The following PIEZO2 variants were observed in gnomAD, a reference collection of about 807,000 sequenced individuals.
The protein encoded by PIEZO2 is piezo type mechanosensitive ion channel component 2, also known as piezo-type mechanosensitive ion channel component 2.
Under a neutral mutation model 337.3 loss-of-function variants are expected in PIEZO2, and 172 were observed. The ratio of observed to expected loss-of-function variants is 0.51; its 90% CI spans 0.45 to 0.58. The LOEUF is 0.58. Among genes scored for constraint, PIEZO2 ranks in the 20% least tolerant of loss-of-function variants. PIEZO2 has a pLI of 0.00. For synonymous variants in PIEZO2, 1,251 were observed against 1,228.5 expected, an observed-to-expected ratio of 1.02 and a Z score of -0.38; for missense variants, 3,028 against 3,391.3, an observed-to-expected ratio of 0.89 and a Z score of 2.66.
intron 3 of PIEZO2, among the ~76,000 whole-genome samples, chr18:10,919,784 G>C (rs2145127857): frequency 6.6e-6 from 1 of 152,228 alleles, no homozygotes; most frequent in East Asian, 1.9e-4. Flanking sequence ...GATTGGTTCT[G>C]ATTGGCAGTC....
At position 10,695,762 on chromosome 18, in the gene PIEZO2, G is replaced by A. The variant is rs1252608207; in HGVS notation, c.7190+312C>T. On this transcript the variant is annotated intron_variant, in intron 47 of 55. Transcript: ENST00000674853. The stretch of plus-strand genomic sequence containing the variant: ...CCACTTTACCTCCACCTCTGCTAAG[G>A]TGTAGAGAGAAACACAGCACAAATA... Among the ~76,000 whole-genome samples the A allele has an allele frequency of 9.2e-5, 14 of 152,210 alleles. No homozygotes were observed. The East Asian group carries it at 2.7e-3, about 29-fold the overall frequency.
At position 10,727,972 on chromosome 18, in the gene PIEZO2, A is replaced by C. The variant is rs2036608123; in HGVS notation, c.5029+3435T>G. ...AGTAATAACAAAAAAAAAAAAGAAA[A>C]AAGAAAAAAAGGGATAAGAAGCCTG... On this transcript the variant is annotated intron_variant, in intron 36 of 55. Coordinates refer to ENST00000674853, the MANE Select transcript of PIEZO2 (RefSeq NM_001378183.1). This position sits in a 1 kb window ranked among gnomAD's most constrained non-coding sequence, Gnocchi z 6.3. The C allele has an allele frequency of 6.6e-6, 1 of 152,124 alleles. No homozygotes were observed. Among genetic ancestry groups the C allele is most frequent in the African/African-American group, 2.4e-5 (1 of 41,266 alleles). The allele number at this position is 152,124 out of a possible 1,614,324, so 9.4% of individuals were successfully genotyped here.
chr18:10,939,003 C>T (rs2032563873), intron 3 of PIEZO2, among the ~76,000 whole-genome samples: 1 of 152,156 alleles, frequency 6.6e-6, no homozygotes, highest in Non-Finnish European at 1.5e-5. Context: ...AGGAGAATCA[C>T]TTGAACCCAG....
chr18:10,710,546 A>G (rs1052690946), intron 39 of PIEZO2, among the ~76,000 whole-genome samples: 1 of 152,248 alleles, frequency 6.6e-6, no homozygotes, highest in Non-Finnish European at 1.5e-5. Context: ...GCCATTTTAC[A>G]TCTGGATTTG....
intron 3 of PIEZO2, among the ~76,000 whole-genome samples, chr18:10,970,502 C>T (rs1300556140): frequency 1.3e-5 from 2 of 152,158 alleles, no homozygotes; most frequent in Non-Finnish European, 2.9e-5. Context: ...TCTGTTTTTG[C>T]TAAGTCTCTT....
intron 47 of PIEZO2, among the ~76,000 whole-genome samples, chr18:10,692,112 T>C (rs188713262): frequency 6.6e-6 from 1 of 152,014 alleles, no homozygotes; most frequent in Admixed American, 6.6e-5. Flanking sequence ...TCCAGGTGAA[T>C]AGTGAAGAGA....
In PIEZO2 at chr18:10,943,833, T is replaced by G. The variant is rs371757205; in HGVS notation, c.287-32605A>C. On this transcript the variant is annotated intron_variant, in intron 3 of 55. Transcript: ENST00000674853. The surrounding 1 kb of genome is among the most constrained non-coding windows in gnomAD (Gnocchi z 4.5). ...CAGAAGGGACCCGGTGGGAGATGAC[T>G]GAATCATGGGAGCAAGTCTTTCCAG... Among the ~76,000 whole-genome samples the G allele has an allele frequency of 8.5e-5, 13 of 152,322 alleles. No individual in the cohort carries two copies. The South Asian group carries it at 1.7e-3, about 19-fold the overall frequency.
chr18:11,084,383 C>T (rs2038850233), intron 1 of PIEZO2, among the ~76,000 whole-genome samples: 1 of 152,120 alleles, frequency 6.6e-6, no homozygotes. Flanking sequence ...AGGTGAGTTC[C>T]AGTACAGTCC....
intron 36 of PIEZO2, 69 bp downstream of exon 36, chr18:10,731,338 G>C: frequency 9.6e-7 from 1 of 1,042,278 alleles, no homozygotes; most frequent in Non-Finnish European, 1.4e-6. Context: ...TCTGTCCTTT[G>C]CAGACAAGGC....
chr18:11,095,802 T>C lies in PIEZO2; in HGVS notation c.65-29580A>G, dbSNP rs368258462. On this transcript the variant is annotated intron_variant, in intron 1 of 55. Transcript: ENST00000674853. ...TCTAAATAGCCCTGAAATCCCCCGA[T>C]GCAGATGATCAGAGAGATAGAAATG... 4.6e-5 allele frequency among the ~76,000 whole-genome samples: 7 copies of C among 152,192 alleles called. No individual in the cohort carries two copies. The East Asian group carries it at 1.2e-3, about 25-fold the overall frequency.
At chr18:10,913,405 TGGACGGTGA>T (rs1387191035) in intron 3 of PIEZO2, among the ~76,000 whole-genome samples, 1 of 152,170 alleles carries the variant, frequency 6.6e-6, no homozygotes. Context: ...AGGGAAGGAT[TGGACGGTGA>T]GGAGGTTGAG....
At chr18:10,697,260 C>T (rs116926417) in intron 45 of PIEZO2, among the ~76,000 whole-genome samples, 2 of 152,200 alleles carry the variant, frequency 1.3e-5, no homozygotes, top group East Asian at 3.9e-4. Flanking sequence ...GGGCTCCACT[C>T]CCAGCTGGCA....
chr18:10,748,108 G>C lies in PIEZO2; in HGVS notation c.4424+363C>G, dbSNP rs192549805. Reference sequence around the variant, plus strand: ...TCAGAGAAGAAAAGCAGGTTAGTAGGGGGAGGTAGGTGTAAGATGGACTAA... The same window carrying C: ...TCAGAGAAGAAAAGCAGGTTAGTAGCGGGAGGTAGGTGTAAGATGGACTAA... On this transcript the variant is annotated intron_variant, in intron 30 of 55. Coordinates refer to ENST00000674853, the MANE Select transcript of PIEZO2 (RefSeq NM_001378183.1). The surrounding 1 kb of genome is among the most constrained non-coding windows in gnomAD (Gnocchi z 5.1). Among the ~76,000 whole-genome samples the C allele has an allele frequency of 3.5e-3, 534 of 152,306 alleles. 2 individuals are homozygous for C. The highest frequency in any genetic ancestry group is 6.4e-3 in the Non-Finnish European group (432 of 68,018).
intron 1 of PIEZO2, among the ~76,000 whole-genome samples, chr18:11,079,371 T>C (rs2038656934): frequency 6.6e-6 from 1 of 152,184 alleles, no homozygotes; most frequent in Admixed American, 6.5e-5. Flanking sequence ...TCCACAAATA[T>C]CTTTGCTAGA....
chr18:10,685,976 A>C (rs2034529818), intron 49 of PIEZO2, among the ~76,000 whole-genome samples: 1 of 152,028 alleles, frequency 6.6e-6, no homozygotes, highest in Admixed American at 6.5e-5. Context: ...TGACTCTACA[A>C]TCTCCAGACC....
At position 10,736,708 on chromosome 18, in the gene PIEZO2, C is replaced by G. The variant is rs2037010114; in HGVS notation, c.4711G>C (p.Val1571Leu). ...AACAAATAATAATCTCCACTCCTGA[C>G]CACTAAGCAAAACAAAATATTCACT... Reference protein sequence around the residue: ...WRPWVDHASMVRSGDYYLFET... With the variant: ...WRPWVDHASMLRSGDYYLFET... The change falls in exon 34 of 56, where the codon GTC becomes CTC. Residue 1571 changes from valine to leucine, a missense_variant and splice_region_variant. Val to Leu is a conservative substitution (Grantham distance 32). Around this residue, in one of 5 missense-constraint regions of PIEZO2, gnomAD observed 1,925 missense variants for 2,051.9 expected, o/e 0.94. Coordinates refer to ENST00000674853, the MANE Select transcript of PIEZO2 (RefSeq NM_001378183.1). 6.5e-7 allele frequency: 1 copy of G among 1,534,384 alleles called. No homozygotes were observed. The highest frequency in any genetic ancestry group is 8.7e-7 in the Non-Finnish European group (1 of 1,146,132).
chr18:10,921,251 G>A (rs531972466), intron 3 of PIEZO2, among the ~76,000 whole-genome samples: 2 of 152,232 alleles, frequency 1.3e-5, no homozygotes, highest in African/African-American at 2.4e-5. Context: ...AAACTAAATG[G>A]AAGGTAGAGA....
Position 11,125,640 on chromosome 18 carries a change from A to G in PIEZO2, c.64+22885T>C, listed in dbSNP as rs1468997653. 6.6e-6 allele frequency among the ~76,000 whole-genome samples: 1 copy of G among 152,210 alleles called. No homozygotes were observed. The highest frequency in any genetic ancestry group is 1.5e-5 in the Non-Finnish European group (1 of 68,032). ...TGAAGTCCTGTTGTAACCATAATGA[A>G]AGAGGAAAAGAAACTTCAAAGCCAG... On this transcript the variant is annotated intron_variant, in intron 1 of 55. Transcript: ENST00000674853. The surrounding 1 kb of genome is among the most constrained non-coding windows in gnomAD (Gnocchi z 4.4).
chr18:11,025,693 G>A (rs1431196030), intron 2 of PIEZO2, among the ~76,000 whole-genome samples: 1 of 152,120 alleles, frequency 6.6e-6, no homozygotes, highest in Non-Finnish European at 1.5e-5. Flanking sequence ...AATGAGTAAC[G>A]CCCTCAGGAC....
Sources: gnomAD v4.1 joint callset for allele counts (sites outside exome capture counted in the v4.1 genomes callset) on GRCh38, gnomAD v4.1.1 for gene constraint, gnomAD v4.1.1 regional missense constraint, Gnocchi (gnomAD v3.1) non-coding constraint, MANE v1.5 for transcripts, NCBI Gene and HGNC (gene_info 2026-07-23, HGNC 2026-07-21) for gene names.